Variants in MYOF observed in about 807,000 individuals in gnomAD.
MYOF encodes fer-1-like 3, myoferlin.
A neutral mutation model predicts 284.2 loss-of-function variants in MYOF; 244 were observed. That is an observed-to-expected ratio of 0.86 (90% CI 0.77 to 0.95). The LOEUF (loss-of-function observed/expected upper bound fraction) is 0.95, where lower values mean the gene tolerates loss of function less well. Ranked by LOEUF, MYOF falls within the 40% of genes least tolerant of loss-of-function variation. MYOF has a pLI of 0.00. For synonymous variants in MYOF, 904 were observed against 919.7 expected (o/e 0.98, Z 0.31); for missense variants, 2,496 against 2,560.6 (o/e 0.97, Z 0.54).
At chr10:93,347,339 TCAGGAGATCGAGACCATCCTGGCTA>T (rs1317845951) in intron 37 of MYOF, among the ~76,000 whole-genome samples, 4 of 149,196 alleles carry the variant, frequency 2.7e-5, no homozygotes, top group African/African-American at 9.9e-5. Flanking sequence ...GATCATGAGG[TCAGGAGATCGAGACCATCCTGGCTA>T]ACAAGGTGAA....
At chr10:93,350,746 G>A (rs1257101899) in intron 35 of MYOF, among the ~76,000 whole-genome samples, 4 of 152,176 alleles carry the variant, frequency 2.6e-5, no homozygotes, top group Non-Finnish European at 5.9e-5. Flanking sequence ...ACTGGACGGG[G>A]AAAGTCTTGA....
chr10:93,308,316 G>A (rs915501241), intron 53 of MYOF, among the ~76,000 whole-genome samples: 2 of 151,762 alleles, frequency 1.3e-5, no homozygotes, highest in East Asian at 3.9e-4. Flanking sequence ...CGAATGTGGT[G>A]GTTCACACCT....
chr10:93,328,677 C>T, intron 45 of MYOF, 86 bp downstream of exon 45: 1 of 1,376,130 alleles, frequency 7.3e-7, no homozygotes, highest in African/African-American at 1.4e-5. Context: ...AGGGTACTGG[C>T]TCTGTCTATT....
intron 1 of MYOF, among the ~76,000 whole-genome samples, chr10:93,468,429 GTGT>G (rs1181419759): frequency 6.6e-6 from 1 of 152,224 alleles, no homozygotes; most frequent in Non-Finnish European, 1.5e-5. Flanking sequence ...ACATTACCAG[GTGT>G]TGGAATCAGA....
chr10:93,460,836 C>T (rs988443773), intron 1 of MYOF, among the ~76,000 whole-genome samples: 3 of 151,668 alleles, frequency 2.0e-5, no homozygotes, highest in African/African-American at 7.3e-5. Flanking sequence ...TGGCTGACAC[C>T]TGTAATCCCA....
intron 38 of MYOF, among the ~76,000 whole-genome samples, chr10:93,341,572 C>T (rs2761328): frequency 0.49 from 75,164 of 152,144 alleles, 19,613 homozygotes; most frequent in African/African-American, 0.6. Context: ...CCACTGTGCC[C>T]GGCCTAAAAG....
intron 29 of MYOF, among the ~76,000 whole-genome samples, chr10:93,357,536 T>G (rs1844865217): frequency 6.6e-6 from 1 of 152,252 alleles, no homozygotes; most frequent in Non-Finnish European, 1.5e-5. Context: ...GCTGACATTT[T>G]CATGGCAGAA....
chr10:93,394,384 G>A (rs1277193924), intron 16 of MYOF, among the ~76,000 whole-genome samples: 1 of 148,444 alleles, frequency 6.7e-6, no homozygotes, highest in Non-Finnish European at 1.5e-5. Context: ...TTACAGGCAT[G>A]AGCCACTGCG....
rs888851932 is a variant in MYOF at position 93,368,854 on chromosome 10, G to C, written c.2589+791C>G. Among the ~76,000 whole-genome samples the C allele has an allele frequency of 5.3e-5, 8 of 152,096 alleles. No individual in the cohort carries two copies. In the South Asian group the frequency reaches 1.5e-3, roughly 28 times the overall value. ...TTCACCTCATTTCTTGGAGCATGAA[G>C]GCCTATCTGTAGAGTGGTGTTCATC... On this transcript the variant is annotated intron_variant, in intron 25 of 53. Transcript: ENST00000359263.
In MYOF at chr10:93,377,404, G is replaced by A; in HGVS notation, c.2027C>T (p.Ser676Leu). The change falls in exon 22 of 54, where the codon TCA becomes TTA. Residue 676 changes from serine (S) to leucine (L), a missense_variant. Coordinates refer to ENST00000359263, the MANE Select transcript of MYOF (RefSeq NM_013451.4). ...RLQTNIEALKSGIQGKIPANQ... is the reference protein window; with the variant it reads ...RLQTNIEALKLGIQGKIPANQ... ...TGCAGGAATTTTACCTTGTATCCCT[G>A]ATTTTAGAGCTTCTATATTTGTTTG... is the stretch of plus-strand genomic sequence containing the variant. The A allele has an allele frequency of 6.2e-7, 1 of 1,613,682 alleles. No homozygotes were observed. Among genetic ancestry groups the A allele is most frequent in the Non-Finnish European group, 8.5e-7 (1 of 1,179,746 alleles).
chr10:93,351,094 T>C (rs1319119381), intron 35 of MYOF, 103 bp downstream of exon 35: 1 of 1,272,318 alleles, frequency 7.9e-7, no homozygotes, highest in East Asian at 2.5e-5. Context: ...AAGTTGGAGA[T>C]AGCAAGAAAA....
At chr10:93,356,559 G>A in intron 30 of MYOF, 116 bp downstream of exon 30, 1 of 1,121,328 alleles carries the variant, frequency 8.9e-7, no homozygotes, top group South Asian at 1.5e-5. Flanking sequence ...GTTAATATTT[G>A]CCATCTTATA....
Position 93,366,530 on chromosome 10 carries a change from C to T in MYOF, c.2615G>A (p.Gly872Glu), listed in dbSNP as rs757210457. ...EMYENQALMF[G>E]KWGTSGLVGR... The stretch of plus-strand genomic sequence containing the variant: ...TACTAATCCAGAAGTACCCCATTTT[C>T]CAAACATGAGAGCTTGATTTTCATA... The change falls in exon 26 of 54, where the codon GGA becomes GAA. Residue 872 changes from glycine to glutamate, a missense_variant. This residue lies in a region of MYOF where 2,436 missense variants were observed against 2,480.7 expected (regional missense o/e 0.98). Coordinates refer to ENST00000359263, the MANE Select transcript of MYOF (RefSeq NM_013451.4). The T allele has an allele frequency of 8.1e-6, 13 of 1,610,816 alleles. No homozygotes were observed. The South Asian group carries it at 1.4e-4, about 18-fold the overall frequency.
In MYOF at chr10:93,462,020, T is replaced by A. The variant is rs116104032; in HGVS notation, c.89-5083A>T. ...AACTTCCTGCAGCTCCTGGCACTCA[T>A]TGTGTGAGGTTGATGCTAATGGCAT... On this transcript the variant is annotated intron_variant, in intron 1 of 53. Coordinates refer to ENST00000359263, the MANE Select transcript of MYOF (RefSeq NM_013451.4). 8.0e-3 allele frequency among the ~76,000 whole-genome samples: 1,222 copies of A among 152,122 alleles called. 21 individuals are homozygous for A. The highest frequency in any genetic ancestry group is 0.028 in the African/African-American group (1,145 of 41,498).
intron 43 of MYOF, among the ~76,000 whole-genome samples, chr10:93,331,705 TA>T (rs1443051897): frequency 4.4e-5 from 2 of 45,412 alleles, no homozygotes; most frequent in Admixed American, 3.0e-4. Flanking sequence ...GCGGGGGGCG[TA>T]GGGGGGGTGG....
intron 43 of MYOF, among the ~76,000 whole-genome samples, chr10:93,331,040 T>C (rs1843274754): frequency 6.6e-6 from 1 of 152,238 alleles, no homozygotes; most frequent in South Asian, 2.1e-4. Flanking sequence ...CTAAAGGTTC[T>C]GAGAAGTCCT....
At chr10:93,470,608 G>A (rs2057123973) in intron 1 of MYOF, among the ~76,000 whole-genome samples, 1 of 152,026 alleles carries the variant, frequency 6.6e-6, no homozygotes, top group African/African-American at 2.4e-5. Flanking sequence ...CATCATGTTG[G>A]CCAGGCTGGT....
intron 3 of MYOF, among the ~76,000 whole-genome samples, chr10:93,447,930 A>G (rs1426541947): frequency 1.3e-5 from 2 of 152,190 alleles, no homozygotes; most frequent in African/African-American, 2.4e-5. Context: ...GTCTCTACAC[A>G]GAAAGCCTGA....
intron 45 of MYOF, among the ~76,000 whole-genome samples, chr10:93,326,750 G>A (rs1029241003): frequency 2.0e-5 from 3 of 152,014 alleles, no homozygotes; most frequent in Non-Finnish European, 2.9e-5. Context: ...TCAGCCTCCC[G>A]AGTAGCTGGG....
Sources: gnomAD v4.1 joint callset for allele counts (sites outside exome capture counted in the v4.1 genomes callset) on GRCh38, gnomAD v4.1.1 for gene constraint, gnomAD v4.1.1 regional missense constraint, MANE v1.5 for transcripts, NCBI Gene and HGNC (gene_info 2026-07-23, HGNC 2026-07-21) for gene names.